The following CACNA1I variants were observed in gnomAD, a reference collection of about 807,000 sequenced individuals.
CACNA1I encodes calcium voltage-gated channel subunit alpha1 I.
A neutral mutation model predicts 201.6 loss-of-function variants in CACNA1I; 74 were observed. The ratio of observed to expected loss-of-function variants is 0.37; its 90% confidence interval spans 0.30 to 0.45. The LOEUF is 0.45. Among genes scored for constraint, CACNA1I ranks in the 20% least tolerant of loss-of-function variants. The probability of loss-of-function intolerance (pLI) is 1.00; values close to 1 mark genes in which losing one functional copy is unlikely to be tolerated. For synonymous variants in CACNA1I, 1,431 were observed against 1,345.2 expected (o/e 1.06, Z -1.40); for missense variants, 2,346 against 3,138.1 (o/e 0.75, Z 6.03).
intron 6 of CACNA1I, 77 bp downstream of exon 6, chr22:39,641,259 G>C (rs145058309): frequency 1.3e-5 from 16 of 1,258,148 alleles, no homozygotes; most frequent in Non-Finnish European, 1.7e-5. Flanking sequence ...TCTGTGCTAG[G>C]CATTTGCCAG....
At chr22:39,579,130 T>C (rs1339264449) in intron 1 of CACNA1I, among the ~76,000 whole-genome samples, 11 of 152,362 alleles carry the variant, frequency 7.2e-5, no homozygotes, top group Non-Finnish European at 1.6e-4. Context: ...CCTCTGACGT[T>C]ACCATGTCTC....
At chr22:39,619,763 G>A (rs1933672523) in intron 4 of CACNA1I, among the ~76,000 whole-genome samples, 1 of 152,168 alleles carries the variant, frequency 6.6e-6, no homozygotes, top group Non-Finnish European at 1.5e-5. Context: ...TGCTTAGTTT[G>A]AAGGAGGACG....
At chr22:39,571,233 G>GTGGC (rs1285951535) in intron 1 of CACNA1I, 8 of 559,420 alleles carry the variant, frequency 1.4e-5, no homozygotes, top group Non-Finnish European at 2.6e-5. Context: ...GGTCAGTCCA[G>GTGGC]TGGCTGGCTG....
chr22:39,598,118 C>G (rs947654241), intron 1 of CACNA1I, 33 bp from the exon 2 acceptor site: 1 of 1,397,558 alleles, frequency 7.2e-7, no homozygotes, highest in African/African-American at 1.4e-5. Context: ...CGGGCGATCC[C>G]ACCTGCTGCT....
At chr22:39,673,381 A>G (rs1935429777) in intron 28 of CACNA1I, among the ~76,000 whole-genome samples, 1 of 152,138 alleles carries the variant, frequency 6.6e-6, no homozygotes, top group Admixed American at 6.5e-5. Flanking sequence ...CCAGTCTCAG[A>G]GTGTGATGCA....
At chr22:39,656,453 C>G (rs757217968) in intron 10 of CACNA1I, 1 of 518,434 alleles carries the variant, frequency 1.9e-6, no homozygotes, top group East Asian at 5.5e-5. Flanking sequence ...GCACCGCTCC[C>G]CTAGCCACCC....
chr22:39,679,632 A>T (rs1054770057), intron 32 of CACNA1I, 90 bp from the exon 33 acceptor site: 1 of 1,312,512 alleles, frequency 7.6e-7, no homozygotes, highest in African/African-American at 1.5e-5. Context: ...CAGAGAACCA[A>T]CCGGGAGGGC....
intron 3 of CACNA1I, among the ~76,000 whole-genome samples, chr22:39,601,244 C>T (rs141327965): frequency 4.6e-5 from 7 of 152,322 alleles, no homozygotes; most frequent in Admixed American, 1.3e-4. Flanking sequence ...CCAGTGTTGG[C>T]GCCGCCCTAG....
intron 24 of CACNA1I, 95 bp from the exon 25 acceptor site, chr22:39,669,943 A>G: frequency 1.4e-6 from 2 of 1,410,530 alleles, no homozygotes; most frequent in Non-Finnish European, 2.0e-6. Context: ...GGCTCAACAC[A>G]TGCCCACTCC....
chr22:39,668,018 C>G (rs1398897883), intron 23 of CACNA1I, among the ~76,000 whole-genome samples: 5 of 152,150 alleles, frequency 3.3e-5, no homozygotes, highest in Non-Finnish European at 2.9e-5. Flanking sequence ...TGCCCAAGAT[C>G]ACACAGCTGG....
At chr22:39,678,408 C>G (rs1482087237) in intron 31 of CACNA1I, among the ~76,000 whole-genome samples, 1 of 152,226 alleles carries the variant, frequency 6.6e-6, no homozygotes, top group African/African-American at 2.4e-5. Flanking sequence ...GGCCTGAAGG[C>G]CAGGGCCAGG....
chr22:39,678,070 C>G lies in CACNA1I; in HGVS notation c.5017C>G (p.Gln1673Glu). ...NFGMAFLTLF[Q>E]VSTGDNWNGI... ...CGGCATGGCCTTCCTCACACTCTTC[C>G]AGGTCTCCACGGGTGACAACTGGAA... The change falls in exon 31 of 37, where the codon CAG (glutamine) becomes GAG (glutamate). Residue 1673 changes from glutamine to glutamate, a missense_variant. Around this residue, in one of 13 missense-constraint regions of CACNA1I, gnomAD observed 64 missense variants for 131.8 expected, o/e 0.49. Coordinates refer to ENST00000402142, the MANE Select transcript of CACNA1I (RefSeq NM_021096.4). The G allele has an allele frequency of 6.2e-7, 1 of 1,610,594 alleles. No homozygotes were observed. Among genetic ancestry groups the G allele is most frequent in the Non-Finnish European group, 8.5e-7 (1 of 1,178,518 alleles).
rs1932841642 is a variant in CACNA1I at position 39,593,143 on chromosome 22, T to G, written c.237-5008T>G. 2.0e-5 allele frequency among the ~76,000 whole-genome samples: 3 copies of G among 152,200 alleles called. No homozygotes were observed. In the South Asian group the frequency reaches 6.2e-4, roughly 32 times the overall value. On this transcript the variant is annotated intron_variant, in intron 1 of 36. Coordinates refer to ENST00000402142, the MANE Select transcript of CACNA1I (RefSeq NM_021096.4). ...CCATCTGCCTCCTGCGGGGACCCAG[T>G]GCAGTGGGCGAGTTAGATGGGCCAC...
intron 2 of CACNA1I, among the ~76,000 whole-genome samples, chr22:39,599,170 A>C (rs199563728): frequency 6.9e-6 from 1 of 145,650 alleles, no homozygotes; most frequent in Non-Finnish European, 1.5e-5. Flanking sequence ...GGATGGTCTC[A>C]ATCTCCTGAC....
At chr22:39,578,143 T>G (rs1932422254) in intron 1 of CACNA1I, among the ~76,000 whole-genome samples, 1 of 149,958 alleles carries the variant, frequency 6.7e-6, no homozygotes, top group East Asian at 2.0e-4. Context: ...AGGTGGGGAG[T>G]GGGGCCTGGA....
chr22:39,674,411 G>T (rs1423371620), intron 29 of CACNA1I, among the ~76,000 whole-genome samples: 1 of 152,220 alleles, frequency 6.6e-6, no homozygotes, highest in Non-Finnish European at 1.5e-5. Flanking sequence ...ATCAGGGAAG[G>T]CAGCCTAGGA....
Position 39,659,903 on chromosome 22 carries a change from T to C in CACNA1I, c.2604+51T>C, listed in dbSNP as rs1934948142. 6.2e-7 allele frequency: 1 copy of C among 1,607,652 alleles called. No individual in the cohort carries two copies. ...CACCCCCACAGGGTCTGCGAAAGAC[T>C]GGGCGAGGGAGAGGTGGCCTGGATG... is the stretch of plus-strand genomic sequence containing the variant. On this transcript the variant is annotated intron_variant, in intron 14 of 36. Coordinates refer to ENST00000402142, the MANE Select transcript of CACNA1I (RefSeq NM_021096.4). The surrounding 1 kb of genome is among the most constrained non-coding windows in gnomAD (Gnocchi z 4.3).
chr22:39,680,312 C>T (rs942063873), intron 33 of CACNA1I, among the ~76,000 whole-genome samples: 1 of 152,202 alleles, frequency 6.6e-6, no homozygotes, highest in Admixed American at 6.5e-5. Flanking sequence ...CAGGGGTTCC[C>T]ATGGGCCTGC....
chr22:39,678,963 A>C, intron 31 of CACNA1I, 144 bp from the exon 32 acceptor site: 1 of 627,446 alleles, frequency 1.6e-6, no homozygotes, highest in Non-Finnish European at 2.7e-6. Context: ...GCAACAAGGC[A>C]GAGTGGGGCA....
Sources: allele counts gnomAD v4.1 joint callset (sites outside exome capture counted in the v4.1 genomes callset), GRCh38; gene constraint gnomAD v4.1.1; regional missense constraint gnomAD v4.1.1; non-coding constraint Gnocchi (gnomAD v3.1); transcripts MANE v1.5; gene names NCBI Gene and HGNC (gene_info 2026-07-23, HGNC 2026-07-21).